Variants in BAIAP2L1 observed in about 807,000 individuals in gnomAD.
BAIAP2L1 encodes BAR/IMD domain containing adaptor protein 2 like 1.
A neutral mutation model predicts 66.3 loss-of-function variants in BAIAP2L1; 35 were observed. That is an observed-to-expected ratio of 0.53 (90% CI 0.40 to 0.70). The LOEUF (loss-of-function observed/expected upper bound fraction) is 0.70, where lower values mean the gene tolerates loss of function less well. Ranked by LOEUF, BAIAP2L1 falls within the 30% of genes least tolerant of loss-of-function variation. BAIAP2L1 has a pLI of 0.00. For missense variants in BAIAP2L1, 622 were observed against 656.9 expected (o/e 0.95, Z 0.58); for synonymous variants, 269 against 248.7 (o/e 1.08, Z -0.77).
chr7:98,395,522 T>C (rs896767500), intron 1 of BAIAP2L1, among the ~76,000 whole-genome samples: 16 of 147,554 alleles, frequency 1.1e-4, no homozygotes, highest in African/African-American at 3.8e-4. Flanking sequence ...CTTCAGGGAG[T>C]GGCCATGGTT....
intron 2 of BAIAP2L1, among the ~76,000 whole-genome samples, chr7:98,361,036 T>C (rs1429775223): frequency 6.6e-6 from 1 of 152,076 alleles, no homozygotes; most frequent in Non-Finnish European, 1.5e-5. Flanking sequence ...ATTTTCAAAA[T>C]ATCAACAGGG....
intron 12 of BAIAP2L1, 87 bp downstream of exon 12, chr7:98,304,109 G>A: frequency 7.2e-7 from 1 of 1,385,956 alleles, no homozygotes; most frequent in South Asian, 1.5e-5. Context: ...GGACAGAGCA[G>A]AGCAAGGCGG....
At chr7:98,378,127 T>G (rs966224545) in intron 1 of BAIAP2L1, among the ~76,000 whole-genome samples, 46 of 151,754 alleles carry the variant, frequency 3.0e-4, no homozygotes, top group African/African-American at 1.1e-3. Flanking sequence ...CCAGCCTGGG[T>G]GACAGAGTAA....
At chr7:98,374,174 C>T (rs910672659) in intron 1 of BAIAP2L1, among the ~76,000 whole-genome samples, 1 of 152,112 alleles carries the variant, frequency 6.6e-6, no homozygotes, top group Admixed American at 6.6e-5. Flanking sequence ...GCCTTGAACT[C>T]CTGGACTCAA....
chr7:98,300,217 G>A (rs1800363667), intron 12 of BAIAP2L1, among the ~76,000 whole-genome samples: 1 of 151,522 alleles, frequency 6.6e-6, no homozygotes, highest in African/African-American at 2.4e-5. Context: ...GATCCCTGCT[G>A]GTGAGGAGGC....
intron 1 of BAIAP2L1, among the ~76,000 whole-genome samples, chr7:98,376,363 C>CAGGTG (rs1358855293): frequency 2.0e-5 from 3 of 151,840 alleles, no homozygotes; most frequent in African/African-American, 7.3e-5. Context: ...AAAAATTAGC[C>CAGGTG]AGGTGGGGTG....
Position 98,383,813 on chromosome 7 carries a change from G to A in BAIAP2L1, c.51+16989C>T, listed in dbSNP as rs536769137. On this transcript the variant is annotated intron_variant, in intron 1 of 13. Coordinates refer to ENST00000005260, the MANE Select transcript of BAIAP2L1 (RefSeq NM_018842.5). ...CTGCAACATTTATTATTATGCCTAC[G>A]TTGAGCCCACCCCATCCTGGACCCA... 5.3e-5 allele frequency among the ~76,000 whole-genome samples: 8 copies of A among 151,992 alleles called. No homozygotes were observed. The East Asian group carries it at 1.4e-3, about 26-fold the overall frequency.
intron 6 of BAIAP2L1, among the ~76,000 whole-genome samples, chr7:98,315,912 C>A (rs1000786683): frequency 1.3e-5 from 2 of 152,164 alleles, no homozygotes; most frequent in South Asian, 2.1e-4. Flanking sequence ...GAAAGCACCA[C>A]GGGCTTTGGA....
intron 3 of BAIAP2L1, among the ~76,000 whole-genome samples, chr7:98,341,863 A>C (rs1321602129): frequency 6.6e-6 from 1 of 152,130 alleles, no homozygotes; most frequent in Admixed American, 6.6e-5. Context: ...TAATCTCTTT[A>C]AAGTGAGTCT....
intron 3 of BAIAP2L1, among the ~76,000 whole-genome samples, chr7:98,340,957 T>TG (rs1341930746): frequency 2.1e-5 from 2 of 97,248 alleles, no homozygotes; most frequent in African/African-American, 5.1e-5. Context: ...CCCAGCTAAT[T>TG]GGTTTTTTTT....
At chr7:98,360,358 C>T (rs958092002) in intron 2 of BAIAP2L1, among the ~76,000 whole-genome samples, 2 of 152,260 alleles carry the variant, frequency 1.3e-5, no homozygotes, top group African/African-American at 2.4e-5. Context: ...TGTGTTCTAA[C>T]GTAACTGTGG....
Position 98,312,105 on chromosome 7 carries a change from TTC to T in BAIAP2L1, c.797_798del (p.Arg266LysfsTer5), listed in dbSNP as rs1458640570. ...GTPQASPMIERSNVVRKDYDT... is the reference protein window; with the variant it reads ...GTPQASPMIEXSNVVRKDYDT... ...AGAAAACTGGCTCCTACCACATTGC[TTC>T]TCTCGATCATGGGTGAAGCCTGAGG... is the stretch of plus-strand genomic sequence containing the variant. On this transcript the variant is annotated frameshift_variant, in exon 8 of 14. Coordinates refer to ENST00000005260, the MANE Select transcript of BAIAP2L1 (RefSeq NM_018842.5). LOFTEE classifies it high-confidence loss of function. 2 of 1,597,792 alleles carry T rather than the reference TTC, an allele frequency of 1.3e-6. No homozygotes were observed. Among genetic ancestry groups the T allele is most frequent in the Non-Finnish European group, 1.7e-6 (2 of 1,174,110 alleles).
chr7:98,304,500 T>C (rs900024190), intron 11 of BAIAP2L1, 124 bp from the exon 12 acceptor site: 23 of 952,122 alleles, frequency 2.4e-5, no homozygotes, highest in Non-Finnish European at 1.6e-6. Context: ...CTGATCTTGA[T>C]CTCACACACA....
rs181062320 is a variant in BAIAP2L1 at position 98,386,903 on chromosome 7, G to A, written c.51+13899C>T. 4.0e-3 allele frequency among the ~76,000 whole-genome samples: 602 copies of A among 151,976 alleles called. 8 individuals carry two copies. The highest frequency in any genetic ancestry group is 0.03 in the Admixed American group (452 of 15,220). ...TTTAGTAGAGACGGGGTTTCACCGT[G>A]TTGGCCAGGATGGTCTTGATCTCTT... On this transcript the variant is annotated intron_variant, in intron 1 of 13. Coordinates refer to ENST00000005260, the MANE Select transcript of BAIAP2L1 (RefSeq NM_018842.5).
At position 98,291,713 on chromosome 7, in the gene BAIAP2L1, C is replaced by T. The variant is rs950172595; in HGVS notation, c.*1808G>A. The T allele has an allele frequency of 1.5e-4, 34 of 219,804 alleles. No homozygotes were observed. The highest frequency in any genetic ancestry group is 2.1e-4 in the Non-Finnish European group (27 of 128,278). The allele number at this position is 219,804 out of a possible 1,614,324, so 13.6% of individuals were successfully genotyped here. On this transcript the variant is annotated 3_prime_UTR_variant, in exon 14 of 14. Transcript: ENST00000005260. ...CTTGATATTTACAGAGCAGGCACCTCGGTGCCAAGGACCAGGCCATGCCCG... is the reference window on the plus strand; with the variant it reads ...CTTGATATTTACAGAGCAGGCACCTTGGTGCCAAGGACCAGGCCATGCCCG...
At chr7:98,383,095 G>A (rs1221700496) in intron 1 of BAIAP2L1, among the ~76,000 whole-genome samples, 2 of 151,946 alleles carry the variant, frequency 1.3e-5, no homozygotes, top group Non-Finnish European at 2.9e-5. Context: ...CCCAGGAGGC[G>A]GAGGCTGCAA....
chr7:98,397,606 C>T (rs139398238), intron 1 of BAIAP2L1, among the ~76,000 whole-genome samples: 62 of 152,216 alleles, frequency 4.1e-4, no homozygotes, highest in Non-Finnish European at 7.1e-4. Context: ...GGATTACAGG[C>T]GTGAGCCACC....
In BAIAP2L1 at chr7:98,327,598, G is replaced by A. The variant is rs574339636; in HGVS notation, c.215-7300C>T. ...TGAGGCAGAAGAATCACTTGAACTC[G>A]GGAGGCAGAGGTTGCAGTGAGCTGA... On this transcript the variant is annotated intron_variant, in intron 3 of 13. Coordinates refer to ENST00000005260, the MANE Select transcript of BAIAP2L1 (RefSeq NM_018842.5). 2.6e-5 allele frequency among the ~76,000 whole-genome samples: 4 copies of A among 152,144 alleles called. 1 individual carries two copies. The South Asian group carries it at 8.3e-4, about 32-fold the overall frequency.
chr7:98,384,036 C>T (rs1802827656), intron 1 of BAIAP2L1, among the ~76,000 whole-genome samples: 1 of 151,952 alleles, frequency 6.6e-6, no homozygotes, highest in South Asian at 2.1e-4. Context: ...TGCCTGTAAT[C>T]CCAGCTACTC....
Sources: gnomAD v4.1 joint callset for allele counts (sites outside exome capture counted in the v4.1 genomes callset) on GRCh38, gnomAD v4.1.1 for gene constraint, MANE v1.5 for transcripts, NCBI Gene and HGNC (gene_info 2026-07-23, HGNC 2026-07-21) for gene names.